Variants in SAP130 observed in about 807,000 individuals in gnomAD.
SAP130 encodes the protein histone deacetylase complex subunit SAP130.
In SAP130, 16 loss-of-function variants were observed where a neutral mutation model predicts 103.2. The ratio of observed to expected loss-of-function variants is 0.16; its 90% CI spans 0.10 to 0.24. The LOEUF is 0.24. Ranked by LOEUF, SAP130 falls within the 10% of genes least tolerant of loss-of-function variation. The pLI is 1.00. For missense variants in SAP130, 990 were observed against 1,359.7 expected (o/e 0.73, Z 4.28); for synonymous variants, 477 against 497.0 (o/e 0.96, Z 0.53).
rs142757522 is a variant in SAP130 at position 128,007,084 on chromosome 2, G to C, written c.869+3185C>G. 5.3e-5 allele frequency among the ~76,000 whole-genome samples: 8 copies of C among 152,238 alleles called. No individual in the cohort carries two copies. The East Asian group carries it at 1.5e-3, about 29-fold the overall frequency. The stretch of plus-strand genomic sequence containing the variant: ...TTAAAACAATCAACACAATGGAAAA[G>C]ATACTTTGACAAAACGATTAAAAAT... On this transcript the variant is annotated intron_variant, in intron 7 of 20. Coordinates refer to ENST00000643581, the MANE Select transcript of SAP130 (RefSeq NM_001330301.2).
chr2:128,000,373 T>C lies in SAP130; in HGVS notation c.951A>G (p.Thr317=). ...QRPAQSRDVT[T]RITLPSHPAL... ...CAGGGTGAGATGGTAGTGTGATTCT[T>C]GTTGTGACATCTCGTGACTGGGCAG... Residue 317 remains threonine (T), a synonymous_variant, in exon 8 of 21, where the codon ACA becomes ACG. Coordinates refer to ENST00000643581, the MANE Select transcript of SAP130 (RefSeq NM_001330301.2). 2.5e-6 allele frequency: 4 copies of C among 1,614,206 alleles called. No homozygotes were observed. Among genetic ancestry groups the C allele is most frequent in the Non-Finnish European group, 2.5e-6 (3 of 1,180,040 alleles).
intron 16 of SAP130, among the ~76,000 whole-genome samples, chr2:127,954,373 T>A (rs1250639150): frequency 6.6e-6 from 1 of 152,112 alleles, no homozygotes; most frequent in Non-Finnish European, 1.5e-5. Context: ...TTTGGATTTG[T>A]TTATACTTCA....
intron 7 of SAP130, 108 bp downstream of exon 7, chr2:128,010,161 A>T: frequency 1.6e-6 from 2 of 1,269,092 alleles, no homozygotes; most frequent in Non-Finnish European, 2.1e-6. Context: ...CTCATTATAA[A>T]AAAAAAAAGC....
intron 15 of SAP130, among the ~76,000 whole-genome samples, chr2:127,973,616 C>T (rs765677425): frequency 1.3e-5 from 2 of 152,172 alleles, no homozygotes; most frequent in African/African-American, 2.4e-5. Context: ...AAAAGTAAAA[C>T]GACTGAAACT....
chr2:128,012,208 G>A (rs977490430), intron 6 of SAP130, among the ~76,000 whole-genome samples: 6 of 152,204 alleles, frequency 3.9e-5, no homozygotes, highest in Non-Finnish European at 7.3e-5. Flanking sequence ...AGTAGCTCAC[G>A]CCTGTAATCC....
intron 15 of SAP130, among the ~76,000 whole-genome samples, chr2:127,957,619 T>C (rs1679934588): frequency 6.6e-6 from 1 of 150,510 alleles, no homozygotes; most frequent in Non-Finnish European, 1.5e-5. Flanking sequence ...GAGGCCGCAA[T>C]GAGTTATGAT....
intron 15 of SAP130, among the ~76,000 whole-genome samples, chr2:127,968,109 AT>A (rs199946748): frequency 6.0e-3 from 837 of 139,026 alleles, no homozygotes; most frequent in Middle Eastern, 0.011. Flanking sequence ...ATAGTAAAGC[AT>A]TTTTTTTTTT....
chr2:127,994,499 T>C (rs925050518), intron 11 of SAP130, among the ~76,000 whole-genome samples: 3 of 152,166 alleles, frequency 2.0e-5, no homozygotes, highest in Non-Finnish European at 2.9e-5. Context: ...GGCTGAGGTA[T>C]GAGAATCACT....
chr2:128,023,772 G>A (rs181078266), intron 2 of SAP130, among the ~76,000 whole-genome samples: 62 of 152,140 alleles, frequency 4.1e-4, no homozygotes, highest in Non-Finnish European at 7.9e-4. Context: ...GTGAGACTCC[G>A]TCTCAGAAAA....
At chr2:128,027,089 T>A in intron 1 of SAP130, 1 of 1,438,410 alleles carries the variant, frequency 7.0e-7, no homozygotes, top group Admixed American at 2.2e-5. Context: ...TGTGCCTCTT[T>A]ACCTGTAGCC....
intron 2 of SAP130, among the ~76,000 whole-genome samples, chr2:128,023,369 T>C (rs1193247772): frequency 6.6e-6 from 1 of 152,188 alleles, no homozygotes; most frequent in Non-Finnish European, 1.5e-5. Flanking sequence ...CTCAAACTCC[T>C]GAGCTCAAAG....
In SAP130 at chr2:127,953,382, C is replaced by T. The variant is rs1296326838; in HGVS notation, c.2422+1604G>A. On this transcript the variant is annotated intron_variant, in intron 16 of 20. Transcript: ENST00000643581. The surrounding 1 kb of genome is among the most constrained non-coding windows in gnomAD (Gnocchi z 4.0). ...TTAATGCAACAGCCGCTTGACAGGT[C>T]TCCCCGATTCCATCCCTGTTCCCAG... Among the ~76,000 whole-genome samples, 1 of 152,240 alleles carries T rather than the reference C, an allele frequency of 6.6e-6. No homozygotes were observed. The highest frequency in any genetic ancestry group is 1.5e-5 in the Non-Finnish European group (1 of 68,048).
chr2:127,994,397 C>G (rs756957460), intron 11 of SAP130, among the ~76,000 whole-genome samples: 3 of 152,114 alleles, frequency 2.0e-5, no homozygotes, highest in Non-Finnish European at 2.9e-5. Flanking sequence ...TCAAGACCAG[C>G]CTGGCCAACA....
intron 2 of SAP130, among the ~76,000 whole-genome samples, chr2:128,022,900 G>C (rs1685250781): frequency 6.6e-6 from 1 of 151,962 alleles, no homozygotes; most frequent in Non-Finnish European, 1.5e-5. Flanking sequence ...TAAGATCTCA[G>C]GTCACTGCAA....
chr2:127,979,873 T>C (rs1681738227), intron 14 of SAP130, among the ~76,000 whole-genome samples: 2 of 151,474 alleles, frequency 1.3e-5, no homozygotes, highest in Non-Finnish European at 2.9e-5. Flanking sequence ...ATGTTCAAAA[T>C]TTTTTTCTTT....
At position 127,996,661 on chromosome 2, in the gene SAP130, T is replaced by A. The variant is rs548951711; in HGVS notation, c.1214-170A>T. The stretch of plus-strand genomic sequence containing the variant: ...ACAAAGTTCAACAGAATTATTTCAA[T>A]CCTATCATTCACTGATATACTCCTA... On this transcript the variant is annotated intron_variant, in intron 10 of 20. Transcript: ENST00000643581. The surrounding 1 kb of genome is among the most constrained non-coding windows in gnomAD (Gnocchi z 4.3). Among the ~76,000 whole-genome samples the A allele has an allele frequency of 3.3e-5, 5 of 152,310 alleles. No individual in the cohort carries two copies. In the South Asian group the frequency reaches 8.3e-4, roughly 25 times the overall value.
At chr2:127,958,623 GAGTGAGACA>G (rs1559041072) in intron 15 of SAP130, among the ~76,000 whole-genome samples, 1 of 148,346 alleles carries the variant, frequency 6.7e-6, no homozygotes, top group Non-Finnish European at 1.5e-5. Context: ...ATATATATGA[GAGTGAGACA>G]GATGAGAGAG....
chr2:128,021,814 T>C (rs1573860872), intron 2 of SAP130, among the ~76,000 whole-genome samples: 1 of 152,242 alleles, frequency 6.6e-6, no homozygotes, highest in Non-Finnish European at 1.5e-5. Context: ...TAGTGGGTTG[T>C]AGTGTGTGTC....
In SAP130 at chr2:127,946,983, G is replaced by A. The variant is rs182433278; in HGVS notation, c.2798-1424C>T. ...TGGTGTCCATACAAGGAGGGAGGGA[G>A]ACAGAGAAGTAGAGAGAGAGAGAGA... On this transcript the variant is annotated intron_variant, in intron 18 of 20. Transcript: ENST00000643581. Among the ~76,000 whole-genome samples the A allele has an allele frequency of 2.4e-3, 355 of 148,318 alleles. 7 individuals carry two copies. Among genetic ancestry groups the A allele is most frequent in the Admixed American group, 0.023 (334 of 14,488 alleles).
Sources: gnomAD v4.1 joint callset for allele counts (sites outside exome capture counted in the v4.1 genomes callset) on GRCh38, gnomAD v4.1.1 for gene constraint, Gnocchi (gnomAD v3.1) non-coding constraint, MANE v1.5 for transcripts, NCBI Gene and HGNC (gene_info 2026-07-23, HGNC 2026-07-21) for gene names.